Variants in ABLIM2 observed in about 807,000 individuals in gnomAD.
The protein encoded by ABLIM2 is actin-binding LIM protein 2.
Under a neutral mutation model 97.7 loss-of-function variants are expected in ABLIM2, and 53 were observed. The observed-to-expected ratio is 0.54, with a 90% CI of 0.44 to 0.68. The LOEUF (loss-of-function observed/expected upper bound fraction) is 0.68. ABLIM2 is among the 30% of genes least tolerant of loss of function. The pLI is 0.00. For missense variants in ABLIM2, 835 were observed against 867.2 expected, an observed-to-expected ratio of 0.96 and a Z score of 0.47; for synonymous variants, 361 against 345.8, an observed-to-expected ratio of 1.04 and a Z score of -0.49.
chr4:8,091,655 TAATTATA>T (rs1828467359), intron 3 of ABLIM2, among the ~76,000 whole-genome samples: 2 of 74,916 alleles, frequency 2.7e-5, no homozygotes, highest in South Asian at 8.1e-4. Flanking sequence ...ATATATTATA[TAATTATA>T]TATTATATAA....
At chr4:8,020,456 C>T in intron 12 of ABLIM2, 153 bp from the exon 13 acceptor site, 3 of 735,910 alleles carry the variant, frequency 4.1e-6, no homozygotes, top group Non-Finnish European at 7.2e-6. Context: ...GAGTGTGGGC[C>T]TCATCCACGT....
rs1377352473 is a variant in ABLIM2 at position 8,077,668 on chromosome 4, C to T, written c.635G>A (p.Cys212Tyr). 1 of 1,613,156 alleles carries T rather than the reference C, an allele frequency of 6.2e-7. No individual in the cohort carries two copies. Among genetic ancestry groups the T allele is most frequent in the Non-Finnish European group, 8.5e-7 (1 of 1,179,516 alleles). ...CGTGATGTATTTCTCACAGCTGTCACAGCGGATGCCGAACTTGGCGTGATA... is the reference window on the plus strand; with the variant it reads ...CGTGATGTATTTCTCACAGCTGTCATAGCGGATGCCGAACTTGGCGTGATA... ...ADYHAKFGIR[C>Y]DSCEKYITGR... The change falls in exon 6 of 21, where the codon TGT becomes TAT. Residue 212 changes from cysteine to tyrosine, a missense_variant. Cys to Tyr is a radical substitution (Grantham distance 194, BLOSUM62 -2). Coordinates refer to ENST00000447017, the MANE Select transcript of ABLIM2 (RefSeq NM_001130083.2).
chr4:8,034,490 G>A (rs1579272338), intron 10 of ABLIM2, among the ~76,000 whole-genome samples: 1 of 93,856 alleles, frequency 1.1e-5, no homozygotes, highest in African/African-American at 4.4e-5. Flanking sequence ...GTGGGTGCAG[G>A]TGGGTGGGTG....
intron 18 of ABLIM2, 24 bp from the exon 19 acceptor site, chr4:7,983,578 C>A: frequency 2.5e-6 from 4 of 1,612,170 alleles, no homozygotes; most frequent in Non-Finnish European, 3.4e-6. Context: ...AGAGCGGAGA[C>A]CACGAAATGG....
chr4:8,000,664 T>G (rs16841542), intron 16 of ABLIM2, among the ~76,000 whole-genome samples: 22,828 of 151,982 alleles, frequency 0.15, 2,295 homozygotes, highest in African/African-American at 0.28. Flanking sequence ...ACAGAATGAA[T>G]GCTGGGTCCC....
In ABLIM2 at chr4:7,970,181, T is replaced by C. The variant is rs939239543; in HGVS notation, c.1825-3078A>G. ...CACAAGGCCCCTGGCAGGGGTAGGC[T>C]GGGGTGGTGAACTGACACGTAAGTA... On this transcript the variant is annotated intron_variant, in intron 20 of 20. Coordinates refer to ENST00000447017, the MANE Select transcript of ABLIM2 (RefSeq NM_001130083.2). This position sits in a 1 kb window ranked among gnomAD's most constrained non-coding sequence, Gnocchi z 5.3. 1.3e-5 allele frequency among the ~76,000 whole-genome samples: 2 copies of C among 151,994 alleles called. No individual in the cohort carries two copies.
intron 1 of ABLIM2, among the ~76,000 whole-genome samples, chr4:8,111,911 A>T (rs1218050576): frequency 1.4e-5 from 2 of 147,524 alleles, no homozygotes; most frequent in African/African-American, 2.5e-5. Flanking sequence ...TGGGTGACAG[A>T]ATAAGACTCT....
At chr4:8,139,640 T>C (rs187656006) in intron 1 of ABLIM2, among the ~76,000 whole-genome samples, 1 of 152,374 alleles carries the variant, frequency 6.6e-6, no homozygotes, top group Non-Finnish European at 1.5e-5. Context: ...GGAATGCTTT[T>C]ACTCTGTTGG....
chr4:8,051,435 T>C (rs897686123), intron 8 of ABLIM2, among the ~76,000 whole-genome samples: 2 of 151,618 alleles, frequency 1.3e-5, no homozygotes, highest in Admixed American at 1.3e-4. Flanking sequence ...TGCGTGGCTG[T>C]AGTCCCAGCT....
chr4:7,983,203 G>T, intron 20 of ABLIM2, 61 bp downstream of exon 20: 2 of 1,522,556 alleles, frequency 1.3e-6, no homozygotes, highest in Non-Finnish European at 1.8e-6. Flanking sequence ...CCACGGAGGA[G>T]GCATCTGCGG....
chr4:8,031,025 G>T (rs1274444432), intron 10 of ABLIM2, among the ~76,000 whole-genome samples: 1 of 152,242 alleles, frequency 6.6e-6, no homozygotes, highest in African/African-American at 2.4e-5. Flanking sequence ...CCACGGAAGG[G>T]GCTCTGCAGA....
At chr4:8,129,895 G>A (rs1258222066) in intron 1 of ABLIM2, among the ~76,000 whole-genome samples, 2 of 152,218 alleles carry the variant, frequency 1.3e-5, no homozygotes, top group Admixed American at 1.3e-4. Flanking sequence ...AATCCTGAGA[G>A]GAGACCTCTT....
At chr4:7,981,988 C>G (rs746380057) in intron 20 of ABLIM2, among the ~76,000 whole-genome samples, 1 of 152,182 alleles carries the variant, frequency 6.6e-6, no homozygotes, top group Non-Finnish European at 1.5e-5. Context: ...TCCAGACTTC[C>G]CCTTCTGAGG....
Position 8,028,033 on chromosome 4 carries a change from C to T in ABLIM2, c.1169-176G>A, listed in dbSNP as rs553963323. Among the ~76,000 whole-genome samples the T allele has an allele frequency of 3.9e-5, 6 of 152,358 alleles. No individual in the cohort carries two copies. In the East Asian group the frequency reaches 9.6e-4, roughly 24 times the overall value. On this transcript the variant is annotated intron_variant, in intron 11 of 20. Transcript: ENST00000447017. The stretch of plus-strand genomic sequence containing the variant: ...GCTTTAGACCACTCTCCTCCAGGAG[C>T]GAGGAAACCGGACCTCAGAGGACCA...
At chr4:7,968,817 A>G (rs1725193357) in intron 20 of ABLIM2, among the ~76,000 whole-genome samples, 3 of 152,306 alleles carry the variant, frequency 2.0e-5, no homozygotes, top group South Asian at 4.1e-4. Context: ...TTGTGAATAC[A>G]CTGAACTGTA....
chr4:8,097,325 C>A, intron 2 of ABLIM2, 43 bp from the exon 3 acceptor site: 1 of 1,545,858 alleles, frequency 6.5e-7, no homozygotes, highest in African/African-American at 1.4e-5. Flanking sequence ...CAGAGGGGAC[C>A]ATCTCCACGT....
In ABLIM2 at chr4:8,044,881, A is replaced by T. The variant is rs1791291416; in HGVS notation, c.900+283T>A. ...TGATGTGACGTGTCTGCACCACTAT[A>T]AACAACAGCTGTGTACACACCACTG... is the stretch of plus-strand genomic sequence containing the variant. On this transcript the variant is annotated intron_variant, in intron 9 of 20. Transcript: ENST00000447017. The surrounding 1 kb of genome is among the most constrained non-coding windows in gnomAD (Gnocchi z 4.4). Among the ~76,000 whole-genome samples the T allele has an allele frequency of 6.6e-6, 1 of 152,174 alleles. No individual in the cohort carries two copies. The highest frequency in any genetic ancestry group is 2.4e-5 in the African/African-American group (1 of 41,442).
chr4:8,056,133 A>AAAAAAAAAAAAAAAAAAT (rs1340885577), intron 7 of ABLIM2, among the ~76,000 whole-genome samples: 1 of 139,796 alleles, frequency 7.2e-6, no homozygotes, highest in Non-Finnish European at 1.6e-5. Context: ...AAAAAAAAAA[A>AAAAAAAAAAAAAAAAAAT]AAAAAAGTAA....
At chr4:8,126,692 C>T (rs1023400069) in intron 1 of ABLIM2, among the ~76,000 whole-genome samples, 3 of 152,034 alleles carry the variant, frequency 2.0e-5, no homozygotes, top group African/African-American at 7.2e-5. Context: ...GTGTCCTGTG[C>T]ACCACAGGAC....
Sources: allele counts gnomAD v4.1 joint callset (sites outside exome capture counted in the v4.1 genomes callset), GRCh38; gene constraint gnomAD v4.1.1; non-coding constraint Gnocchi (gnomAD v3.1); transcripts MANE v1.5; gene names NCBI Gene and HGNC (gene_info 2026-07-23, HGNC 2026-07-21).